Variants in GMDS observed in about 807,000 individuals in gnomAD.
GMDS encodes GDP-mannose 4,6 dehydratase.
Under a neutral mutation model 49.9 loss-of-function variants are expected in GMDS, and 20 were observed. The ratio of observed to expected loss-of-function variants is 0.40; its 90% confidence interval spans 0.28 to 0.58. The LOEUF (loss-of-function observed/expected upper bound fraction) is 0.58. Among genes scored for constraint, GMDS ranks in the 20% least tolerant of loss-of-function variants. The pLI, the probability that GMDS is intolerant of heterozygous loss-of-function variation, is 0.42. For missense variants in GMDS, 362 were observed against 481.4 expected (o/e 0.75, Z 2.32); for synonymous variants, 177 against 178.6 (o/e 0.99, Z 0.07).
At chr6:1,984,337 T>C (rs1020969330) in intron 4 of GMDS, among the ~76,000 whole-genome samples, 11 of 152,200 alleles carry the variant, frequency 7.2e-5, no homozygotes, top group African/African-American at 2.4e-4. Flanking sequence ...TGTTTACATA[T>C]GTAACAAACC....
chr6:2,024,583 G>A (rs977678547), intron 4 of GMDS, among the ~76,000 whole-genome samples: 6 of 151,950 alleles, frequency 3.9e-5, no homozygotes, highest in Admixed American at 2.0e-4. Flanking sequence ...CATCAAGTAT[G>A]CATGTTAAAG....
At chr6:2,064,407 G>T (rs778880337) in intron 4 of GMDS, among the ~76,000 whole-genome samples, 14 of 152,272 alleles carry the variant, frequency 9.2e-5, no homozygotes, top group African/African-American at 3.4e-4. Context: ...CAGAGGGAGA[G>T]AAAAAGTATA....
chr6:1,674,506 A>G (rs1372859431), intron 9 of GMDS, among the ~76,000 whole-genome samples: 1 of 147,950 alleles, frequency 6.8e-6, no homozygotes. Flanking sequence ...TCTTTCATGG[A>G]GCAGAAGTTT....
intron 4 of GMDS, among the ~76,000 whole-genome samples, chr6:2,104,929 T>TC (rs895520260): frequency 1.3e-5 from 2 of 152,072 alleles, no homozygotes; most frequent in African/African-American, 2.4e-5. Flanking sequence ...ACGCCTATAA[T>TC]CCCAGCACTT....
intron 4 of GMDS, among the ~76,000 whole-genome samples, chr6:2,101,356 G>A (rs1175708657): frequency 2.0e-5 from 3 of 151,470 alleles, no homozygotes; most frequent in Admixed American, 6.6e-5. Context: ...TGAAATTTCA[G>A]TAAAGCTTTT....
chr6:1,731,111 G>T (rs1410262908), intron 8 of GMDS, among the ~76,000 whole-genome samples: 1 of 152,132 alleles, frequency 6.6e-6, no homozygotes, highest in Admixed American at 6.6e-5. Context: ...TTTAGAAGTT[G>T]AAAACAAAAC....
intron 4 of GMDS, among the ~76,000 whole-genome samples, chr6:2,098,049 A>G (rs1773709429): frequency 6.6e-6 from 1 of 151,758 alleles, no homozygotes; most frequent in Non-Finnish European, 1.5e-5. Context: ...AGAAAATTAC[A>G]CATAATATTA....
At chr6:2,092,066 T>C (rs765145061) in intron 4 of GMDS, among the ~76,000 whole-genome samples, 4 of 152,076 alleles carry the variant, frequency 2.6e-5, no homozygotes, top group African/African-American at 7.2e-5. Flanking sequence ...ACAAAAACAA[T>C]GAATTTTACA....
At chr6:2,161,194 A>G (rs527255939) in intron 1 of GMDS, among the ~76,000 whole-genome samples, 196 of 152,084 alleles carry the variant, frequency 1.3e-3, no homozygotes, top group African/African-American at 4.5e-3. Flanking sequence ...TATTTTTAGT[A>G]GAGACGGGAT....
intron 4 of GMDS, among the ~76,000 whole-genome samples, chr6:2,089,041 T>A (rs1469711118): frequency 6.6e-6 from 1 of 152,178 alleles, no homozygotes; most frequent in Non-Finnish European, 1.5e-5. Flanking sequence ...GAAAAGCCAA[T>A]GGTAATACTA....
At chr6:1,830,587 C>T (rs1406088495) in intron 7 of GMDS, among the ~76,000 whole-genome samples, 2 of 152,176 alleles carry the variant, frequency 1.3e-5, no homozygotes, top group South Asian at 4.1e-4. Context: ...TGGTTTTCCA[C>T]TCTAACAAAG....
At chr6:2,235,870 T>C (rs1220023078) in intron 1 of GMDS, among the ~76,000 whole-genome samples, 1 of 149,066 alleles carries the variant, frequency 6.7e-6, no homozygotes, top group African/African-American at 2.5e-5. Context: ...GTGTTGCCAA[T>C]CTGGTAAGTT....
chr6:1,696,202 T>C (rs1362688930), intron 9 of GMDS, among the ~76,000 whole-genome samples: 1 of 152,212 alleles, frequency 6.6e-6, no homozygotes, highest in Non-Finnish European at 1.5e-5. Context: ...AATGAGACCC[T>C]TTGACACTGA....
In GMDS at chr6:1,624,042, C is replaced by CGCA. The variant is rs1762768663; in HGVS notation, c.*124_*126dup. On this transcript the variant is annotated 3_prime_UTR_variant, in exon 11 of 11. Transcript: ENST00000380815. ...GGCCCCGCTCTTGCGGCCGGGACAGCGCAGCGGCAGCAGGGGCCGCAGGGG... is the reference window on the plus strand; with the variant it reads ...GGCCCCGCTCTTGCGGCCGGGACAGCGCAGCAGCGGCAGCAGGGGCCGCAGGGG... 1.3e-6 allele frequency: 1 copy of CGCA among 797,380 alleles called. No individual in the cohort carries two copies. 49.4% of individuals were successfully genotyped at this position (797,380 alleles called of 1,614,324 possible).
chr6:1,646,175 T>C (rs530744212), intron 9 of GMDS, among the ~76,000 whole-genome samples: 2 of 152,330 alleles, frequency 1.3e-5, no homozygotes, highest in South Asian at 4.1e-4. Context: ...TCTTCTCTAT[T>C]TTGCCACTTC....
chr6:1,624,277 T>TCC (rs1561681666), intron 10 of GMDS, 46 bp from the exon 11 acceptor site: 4 of 1,562,158 alleles, frequency 2.6e-6, no homozygotes, highest in Non-Finnish European at 3.5e-6. Context: ...TGCCACTCTC[T>TCC]CCTGGTGACA....
chr6:2,073,500 G>T (rs1174505392), intron 4 of GMDS, among the ~76,000 whole-genome samples: 1 of 151,978 alleles, frequency 6.6e-6, no homozygotes, highest in Non-Finnish European at 1.5e-5. Context: ...CTATGTGTTG[G>T]GAACATTTCA....
At chr6:1,764,701 TA>T (rs1255391447) in intron 7 of GMDS, among the ~76,000 whole-genome samples, 10 of 152,168 alleles carry the variant, frequency 6.6e-5, no homozygotes, top group African/African-American at 2.4e-4. Context: ...ATACCAAACA[TA>T]AAAACGCTGC....
rs78089070 is a variant in GMDS, at chr6:2,133,229, G to T, written c.103-8498C>A. On this transcript the variant is annotated intron_variant, in intron 1 of 10. Coordinates refer to ENST00000380815, the MANE Select transcript of GMDS (RefSeq NM_001500.4). Reference sequence around the variant, plus strand: ...GGAAGGAAAAAAACTGCAGTAAAAAGAGAAGAATTATGAAATTTTAGTATT... The same window carrying T: ...GGAAGGAAAAAAACTGCAGTAAAAATAGAAGAATTATGAAATTTTAGTATT... 5.6e-4 allele frequency among the ~76,000 whole-genome samples: 86 copies of T among 152,286 alleles called. 2 individuals are homozygous for T. In the East Asian group the frequency reaches 0.013, roughly 23 times the overall value.
Sources: gnomAD v4.1 joint callset for allele counts (sites outside exome capture counted in the v4.1 genomes callset) on GRCh38, gnomAD v4.1.1 for gene constraint, MANE v1.5 for transcripts, NCBI Gene and HGNC (gene_info 2026-07-23, HGNC 2026-07-21) for gene names.